Variants in RIC8B observed in about 807,000 individuals in gnomAD.
RIC8B encodes RIC8 guanine nucleotide exchange factor B, also known as chaperone Ric-8B.
In RIC8B, 16 loss-of-function variants were observed where a neutral mutation model predicts 57.5. The observed-to-expected ratio is 0.28, with a 90% CI of 0.19 to 0.42. The LOEUF (loss-of-function observed/expected upper bound fraction) is 0.42, where lower values mean the gene tolerates loss of function less well. Ranked by LOEUF, RIC8B falls within the 10% of genes least tolerant of loss-of-function variation. The pLI, the probability that RIC8B is intolerant of heterozygous loss-of-function variation, is 1.00. For missense variants in RIC8B, 481 were observed against 677.0 expected (o/e 0.71, Z 3.21); for synonymous variants, 216 against 250.8 (o/e 0.86, Z 1.31).
chr12:106,790,745 G>T (rs373954400), intron 2 of RIC8B, among the ~76,000 whole-genome samples: 4 of 152,130 alleles, frequency 2.6e-5, no homozygotes, highest in Non-Finnish European at 5.9e-5. Flanking sequence ...AAGATTTCCA[G>T]CTCTTTCACA....
chr12:106,881,336 G>A (rs781560108), intron 9 of RIC8B, among the ~76,000 whole-genome samples: 2 of 150,296 alleles, frequency 1.3e-5, no homozygotes, highest in Non-Finnish European at 3.0e-5. Context: ...TCTCTTTTGA[G>A]TTGTTTTTTT....
chr12:106,858,183 A>G (rs943254970), intron 7 of RIC8B, among the ~76,000 whole-genome samples: 4 of 152,098 alleles, frequency 2.6e-5, no homozygotes, highest in East Asian at 3.9e-4. Flanking sequence ...ATTTTTCGCC[A>G]TTTTGTGTCT....
At chr12:106,865,034 A>G (rs1484604375) in intron 8 of RIC8B, among the ~76,000 whole-genome samples, 1 of 152,196 alleles carries the variant, frequency 6.6e-6, no homozygotes, top group African/African-American at 2.4e-5. Context: ...CATTACATAT[A>G]CACCTTTTGG....
chr12:106,815,115 T>C lies in RIC8B; in HGVS notation c.552T>C (p.Tyr184=). 2 of 1,614,252 alleles carry C rather than the reference T, an allele frequency of 1.2e-6. No individual in the cohort carries two copies. The highest frequency in any genetic ancestry group is 1.6e-4 in the Middle Eastern group (1 of 6,062). The change falls in exon 3 of 10, where the codon TAT becomes TAC. Residue 184 remains tyrosine (Y), a synonymous_variant. Coordinates refer to ENST00000392837, the MANE Select transcript of RIC8B (RefSeq NM_001330145.2). ...LHTDIRSQLR[Y]ELQGLPLLTQ... is the part of the protein sequence containing the mutation. ...CCGACATCAGGTCACAATTGCGCTA[T>C]GAGCTCCAGGGACTACCGCTGCTAA...
Position 106,785,813 on chromosome 12 carries a change from CTGTGTG to C in RIC8B, c.132+1799_132+1804del, listed in dbSNP as rs61337359. Among the ~76,000 whole-genome samples, 254 of 123,730 alleles carry C rather than the reference CTGTGTG, an allele frequency of 2.1e-3. 1 individual carries two copies. The highest frequency in any genetic ancestry group is 7.9e-3 in the Middle Eastern group (2 of 252). The allele number at this position is 123,730 out of a possible 152,430, so 81.2% of individuals were successfully genotyped here. The stretch of plus-strand genomic sequence containing the variant: ...TCTCTCTCTCTCTCTCTCTCTCTCT[CTGTGTG>C]TGTGTGTGTGTGTGTGTGTGTGTGT... On this transcript the variant is annotated intron_variant, in intron 2 of 9. Transcript: ENST00000392837.
intron 9 of RIC8B, among the ~76,000 whole-genome samples, chr12:106,885,576 CAAA>C (rs35328877): frequency 1.0e-4 from 14 of 138,398 alleles, no homozygotes; most frequent in South Asian, 2.3e-4. Context: ...ACCAATCCAC[CAAA>C]AAAAAAAAAA....
chr12:106,807,691 G>T (rs901704281), intron 2 of RIC8B, among the ~76,000 whole-genome samples: 5 of 152,198 alleles, frequency 3.3e-5, no homozygotes, highest in African/African-American at 1.2e-4. Flanking sequence ...GAGTTTTGGT[G>T]GACAGCTATC....
intron 8 of RIC8B, among the ~76,000 whole-genome samples, chr12:106,860,840 A>T (rs1394531906): frequency 6.6e-6 from 1 of 152,156 alleles, no homozygotes; most frequent in Non-Finnish European, 1.5e-5. Flanking sequence ...AAGCCCTTAT[A>T]AGTCAGTAAA....
chr12:106,812,959 C>T (rs573325759), intron 2 of RIC8B, among the ~76,000 whole-genome samples: 1 of 152,190 alleles, frequency 6.6e-6, no homozygotes, highest in African/African-American at 2.4e-5. Context: ...ATACAGTCAT[C>T]CCTCTGTATC....
chr12:106,837,641 T>G (rs1435936147), intron 4 of RIC8B, among the ~76,000 whole-genome samples: 2 of 143,672 alleles, frequency 1.4e-5, no homozygotes, highest in South Asian at 2.4e-4. Context: ...AATCTTTTGT[T>G]TTTTTTTTTT....
intron 4 of RIC8B, among the ~76,000 whole-genome samples, chr12:106,838,616 C>T (rs984485087): frequency 6.6e-6 from 1 of 150,748 alleles, no homozygotes; most frequent in Non-Finnish European, 1.5e-5. Flanking sequence ...GGACATTGGT[C>T]TTGGCAATGA....
At chr12:106,781,853 A>C (rs1349308440) in intron 1 of RIC8B, among the ~76,000 whole-genome samples, 1 of 152,118 alleles carries the variant, frequency 6.6e-6, no homozygotes, top group Admixed American at 6.6e-5. Flanking sequence ...TTGGTTTCTT[A>C]GTGCGATTAT....
chr12:106,799,777 T>C (rs1459709867), intron 2 of RIC8B, among the ~76,000 whole-genome samples: 1 of 152,244 alleles, frequency 6.6e-6, no homozygotes, highest in Non-Finnish European at 1.5e-5. Flanking sequence ...TAATGTGTTC[T>C]TATGCCTTTG....
intron 4 of RIC8B, among the ~76,000 whole-genome samples, chr12:106,832,375 C>G (rs2046388300): frequency 6.6e-6 from 1 of 152,138 alleles, no homozygotes; most frequent in Admixed American, 6.5e-5. Context: ...CGAGGCCAGC[C>G]TGGCCAACAT....
intron 2 of RIC8B, among the ~76,000 whole-genome samples, chr12:106,786,141 A>ATTTTTTTTT (rs893618675): frequency 4.1e-5 from 3 of 73,886 alleles, no homozygotes; most frequent in African/African-American, 5.6e-5. Context: ...CCCAAGGTGT[A>ATTTTTTTTT]TTTTTTTTTT....
intron 6 of RIC8B, among the ~76,000 whole-genome samples, chr12:106,847,828 T>C (rs1949276393): frequency 1.3e-5 from 2 of 152,208 alleles, no homozygotes; most frequent in African/African-American, 4.8e-5. Flanking sequence ...AGAAGGCACT[T>C]AATAAAAGCT....
chr12:106,784,943 G>A (rs1421156177), intron 2 of RIC8B, among the ~76,000 whole-genome samples: 1 of 152,124 alleles, frequency 6.6e-6, no homozygotes, highest in East Asian at 1.9e-4. Flanking sequence ...GCCTACATCT[G>A]ATTACTGCAT....
intron 1 of RIC8B, among the ~76,000 whole-genome samples, chr12:106,781,537 G>T (rs921302527): frequency 1.3e-5 from 2 of 152,046 alleles, no homozygotes; most frequent in South Asian, 2.1e-4. Flanking sequence ...ATAGATTGGC[G>T]CATTCCAGAT....
At chr12:106,876,734 G>A (rs1476864354) in intron 9 of RIC8B, among the ~76,000 whole-genome samples, 1 of 152,030 alleles carries the variant, frequency 6.6e-6, no homozygotes, top group African/African-American at 2.4e-5. Flanking sequence ...TCTCTGAAAT[G>A]GTTTTTGACT....
Sources: gnomAD v4.1 joint callset for allele counts (sites outside exome capture counted in the v4.1 genomes callset) on GRCh38, gnomAD v4.1.1 for gene constraint, MANE v1.5 for transcripts, NCBI Gene and HGNC (gene_info 2026-07-23, HGNC 2026-07-21) for gene names.